Variants in ERC2 observed in about 807,000 individuals in gnomAD.
ERC2 encodes the protein ERC protein 2.
In ERC2, 42 loss-of-function variants were observed where a neutral mutation model predicts 114.8. That is an observed-to-expected ratio of 0.37 (90% CI 0.29 to 0.47). ERC2 has a LOEUF of 0.47. ERC2 is among the 20% of genes least tolerant of loss of function. ERC2 has a pLI of 0.99. For synonymous variants in ERC2, 454 were observed against 425.5 expected, an observed-to-expected ratio of 1.07 and a Z score of -0.82; for missense variants, 939 against 1,150.7, an observed-to-expected ratio of 0.82 and a Z score of 2.66.
At chr3:55,893,837 T>C (rs1049414781) in intron 13 of ERC2, among the ~76,000 whole-genome samples, 2 of 152,224 alleles carry the variant, frequency 1.3e-5, no homozygotes, top group African/African-American at 4.8e-5. Flanking sequence ...CATATGTATG[T>C]ATATGTGGGC....
At chr3:56,301,319 A>G (rs2055860943) in intron 2 of ERC2, among the ~76,000 whole-genome samples, 1 of 151,848 alleles carries the variant, frequency 6.6e-6, no homozygotes, top group Non-Finnish European at 1.5e-5. Context: ...TTAATTTTTC[A>G]TTTTCTTTTA....
chr3:55,605,133 T>C (rs376405690), intron 17 of ERC2, among the ~76,000 whole-genome samples: 1 of 152,184 alleles, frequency 6.6e-6, no homozygotes, highest in African/African-American at 2.4e-5. Flanking sequence ...GTTATTTGTT[T>C]TTGAGACGGT....
intron 6 of ERC2, among the ~76,000 whole-genome samples, chr3:56,125,785 C>T (rs1257180760): frequency 1.3e-5 from 2 of 152,060 alleles, no homozygotes; most frequent in Non-Finnish European, 2.9e-5. Flanking sequence ...TTATGGTTGC[C>T]ATCATGTTTG....
In ERC2 at chr3:56,428,150, T is replaced by C. The variant is rs539147412; in HGVS notation, c.657+6201A>G. Among the ~76,000 whole-genome samples, 5 of 152,292 alleles carry C rather than the reference T, an allele frequency of 3.3e-5. No individual in the cohort carries two copies. In the East Asian group the frequency reaches 7.8e-4, roughly 24 times the overall value. On this transcript the variant is annotated intron_variant, in intron 2 of 17. Transcript: ENST00000288221. ...ATGAAATTCTATCACTCACTTCCAA[T>C]TGGCACAACTCATCATATCTGGACA... is the stretch of plus-strand genomic sequence containing the variant.
chr3:55,864,463 C>T (rs1357161238), intron 14 of ERC2, among the ~76,000 whole-genome samples: 2 of 151,990 alleles, frequency 1.3e-5, no homozygotes, highest in Non-Finnish European at 2.9e-5. Flanking sequence ...AAGTTACTGA[C>T]ATGAGTGGCT....
intron 14 of ERC2, among the ~76,000 whole-genome samples, chr3:55,809,340 T>A (rs138204528): frequency 3.9e-5 from 6 of 152,116 alleles, no homozygotes; most frequent in African/African-American, 1.4e-4. Flanking sequence ...ATTATATGGC[T>A]AGTATCTGAA....
chr3:55,994,476 TA>T (rs552136293), intron 10 of ERC2, among the ~76,000 whole-genome samples: 200 of 152,142 alleles, frequency 1.3e-3, no homozygotes, highest in African/African-American at 4.6e-3. Flanking sequence ...GCAAATTAAT[TA>T]GCCTAAAAAC....
chr3:56,061,316 T>A (rs1183840029), intron 7 of ERC2, among the ~76,000 whole-genome samples: 1 of 152,222 alleles, frequency 6.6e-6, no homozygotes, highest in Non-Finnish European at 1.5e-5. Flanking sequence ...AGGGATGGTG[T>A]CTCAGGCTCT....
chr3:56,078,783 G>A (rs2077093090), intron 7 of ERC2, among the ~76,000 whole-genome samples: 1 of 150,882 alleles, frequency 6.6e-6, no homozygotes, highest in African/African-American at 2.4e-5. Flanking sequence ...AACATACGGG[G>A]GAAAAGTCTG....
intron 14 of ERC2, among the ~76,000 whole-genome samples, chr3:55,841,281 A>T (rs1317300585): frequency 1.3e-5 from 2 of 152,062 alleles, no homozygotes; most frequent in Non-Finnish European, 2.9e-5. Context: ...TAATTGAATC[A>T]TGGGGGTGGA....
chr3:55,682,820 T>C (rs900408712), intron 17 of ERC2, among the ~76,000 whole-genome samples: 10 of 152,224 alleles, frequency 6.6e-5, no homozygotes, highest in Non-Finnish European at 1.0e-4. Context: ...AAACATCATA[T>C]GCAATGTTAT....
At chr3:55,716,759 T>G (rs2064143742) in intron 15 of ERC2, among the ~76,000 whole-genome samples, 1 of 152,212 alleles carries the variant, frequency 6.6e-6, no homozygotes, top group East Asian at 1.9e-4. Flanking sequence ...CCCTGACTCC[T>G]GTGACACAGT....
At chr3:56,443,646 TTTG>T (rs1384034647) in intron 1 of ERC2, among the ~76,000 whole-genome samples, 1 of 152,008 alleles carries the variant, frequency 6.6e-6, no homozygotes, top group Non-Finnish European at 1.5e-5. Flanking sequence ...AGGAGCTTGT[TTTG>T]ACACTTGGGC....
intron 7 of ERC2, among the ~76,000 whole-genome samples, chr3:56,073,265 T>A (rs987718119): frequency 6.6e-6 from 1 of 152,176 alleles, no homozygotes; most frequent in African/African-American, 2.4e-5. Flanking sequence ...AGATCAGTAG[T>A]GATCCTTACA....
intron 17 of ERC2, among the ~76,000 whole-genome samples, chr3:55,523,706 C>T (rs1361202154): frequency 2.0e-5 from 3 of 152,224 alleles, no homozygotes; most frequent in African/African-American, 7.2e-5. Context: ...TGAAGTGTTT[C>T]TTGTGTTCCT....
intron 4 of ERC2, among the ~76,000 whole-genome samples, chr3:56,162,611 G>C (rs968035599): frequency 6.6e-5 from 10 of 152,130 alleles, no homozygotes; most frequent in Non-Finnish European, 4.4e-5. Flanking sequence ...TCTTGGGAGA[G>C]TGTGTGTTTC....
At chr3:56,464,784 T>C (rs1213190981) in intron 1 of ERC2, among the ~76,000 whole-genome samples, 3 of 151,736 alleles carry the variant, frequency 2.0e-5, no homozygotes, top group Non-Finnish European at 1.5e-5. Flanking sequence ...TATAAAGGAA[T>C]AGTGTAAACA....
At chr3:55,693,433 C>A (rs527543219) in intron 16 of ERC2, among the ~76,000 whole-genome samples, 8 of 152,224 alleles carry the variant, frequency 5.3e-5, no homozygotes, top group Admixed American at 1.3e-4. Flanking sequence ...GAATGTGAGT[C>A]TTGGCAATCC....
intron 2 of ERC2, among the ~76,000 whole-genome samples, chr3:56,380,315 G>A (rs1245363062): frequency 1.3e-5 from 2 of 152,076 alleles, no homozygotes; most frequent in African/African-American, 4.8e-5. Flanking sequence ...AAATTTGTCT[G>A]ATTCTAAAGT....
Sources: allele counts gnomAD v4.1 joint callset (sites outside exome capture counted in the v4.1 genomes callset), GRCh38; gene constraint gnomAD v4.1.1; transcripts MANE v1.5; gene names NCBI Gene and HGNC (gene_info 2026-07-23, HGNC 2026-07-21).